The following CNNM1 variants were observed in gnomAD, a reference collection of about 807,000 sequenced individuals.
The protein encoded by CNNM1 is cyclin and CBS domain divalent metal cation transport mediator 1, also known as metal transporter CNNM1.
Under a neutral mutation model 78.8 loss-of-function variants are expected in CNNM1, and 44 were observed. The ratio of observed to expected loss-of-function variants is 0.56; its 90% CI spans 0.44 to 0.72. CNNM1 has a LOEUF of 0.72. Ranked by LOEUF, CNNM1 falls within the 30% of genes least tolerant of loss-of-function variation. The pLI is 0.00. For missense variants in CNNM1, 1,101 were observed against 1,292.2 expected (o/e 0.85, Z 2.27); for synonymous variants, 584 against 581.5 (o/e 1.00, Z -0.06).
intron 3 of CNNM1, 87 bp downstream of exon 3, chr10:99,361,062 T>C: frequency 1.7e-5 from 23 of 1,364,014 alleles, no homozygotes; most frequent in Non-Finnish European, 2.3e-5. Context: ...CCTTCCAGCC[T>C]GATTCCAGTG....
At chr10:99,390,914 G>A (rs1482939307) in intron 10 of CNNM1, among the ~76,000 whole-genome samples, 1 of 152,204 alleles carries the variant, frequency 6.6e-6, no homozygotes, top group African/African-American at 2.4e-5. Flanking sequence ...AAACAGACCT[G>A]GGAACAGATT....
In CNNM1 at chr10:99,392,240, A is replaced by G. The variant is rs1045381278; in HGVS notation, c.*724A>G. ...AGGGACACATCTGTTTTGGCTCCCA[A>G]TCAGCAGTCTTCAATCGATCAATAA... On this transcript the variant is annotated 3_prime_UTR_variant, in exon 11 of 11. Coordinates refer to ENST00000356713, the MANE Select transcript of CNNM1 (RefSeq NM_020348.3). 2 of 152,328 alleles carry G rather than the reference A, an allele frequency of 1.3e-5. No individual in the cohort carries two copies. The highest frequency in any genetic ancestry group is 2.9e-5 in the Non-Finnish European group (2 of 68,080). The allele number at this position is 152,328 out of a possible 1,614,324, so 9.4% of individuals were successfully genotyped here.
At chr10:99,387,745 C>A (rs190320889) in intron 7 of CNNM1, 75 bp from the exon 8 acceptor site, 1 of 1,448,568 alleles carries the variant, frequency 6.9e-7, no homozygotes, top group Non-Finnish European at 9.2e-7. Flanking sequence ...AGGCTGCCCC[C>A]GAGCCTGGGA....
intron 7 of CNNM1, among the ~76,000 whole-genome samples, chr10:99,378,801 A>G (rs148397725): frequency 8.5e-5 from 13 of 152,270 alleles, no homozygotes; most frequent in East Asian, 5.8e-4. Flanking sequence ...CCAAGCTTCA[A>G]AGTTGGGTCT....
intron 6 of CNNM1, among the ~76,000 whole-genome samples, chr10:99,372,932 A>G (rs2134064128): frequency 6.6e-6 from 1 of 152,310 alleles, no homozygotes; most frequent in Admixed American, 6.5e-5. Flanking sequence ...GATTTTATAA[A>G]TAAACTTTCA....
chr10:99,350,969 A>C (rs1015635392), intron 1 of CNNM1, among the ~76,000 whole-genome samples: 3 of 152,162 alleles, frequency 2.0e-5, no homozygotes, highest in African/African-American at 7.2e-5. Context: ...TGACAACCAG[A>C]TTGTCTCCAT....
chr10:99,362,297 G>A lies in CNNM1; in HGVS notation c.1929G>A (p.Val643=). Residue 643 remains valine, a synonymous_variant, in exon 4 of 11, where the codon GTG becomes GTA. Coordinates refer to ENST00000356713, the MANE Select transcript of CNNM1 (RefSeq NM_020348.3). ...TCCGGCTCCTGAAACATCCCAACGTGATCCAGGAGCTGAAGTTTGATGAGA... is the reference window on the plus strand; with the variant it reads ...TCCGGCTCCTGAAACATCCCAACGTAATCCAGGAGCTGAAGTTTGATGAGA... The part of the protein sequence containing the change: ...ILLRLLKHPN[V]IQELKFDEKN... 6.2e-7 allele frequency: 1 copy of A among 1,614,002 alleles called. No homozygotes were observed.
At position 99,387,895 on chromosome 10, in the gene CNNM1, G is replaced by A; in HGVS notation, c.2416G>A (p.Ala806Thr). The change falls in exon 8 of 11, where the codon GCC becomes ACC. Residue 806 changes from alanine (A) to threonine (T), a missense_variant. By Grantham distance (58) the Ala-to-Thr change is moderately conservative. Around this residue, in one of 3 missense-constraint regions of CNNM1, gnomAD observed 348 missense variants for 384.5 expected, o/e 0.90. Transcript: ENST00000356713. ...CTCACCTCAGTCCCCTGACATGGAG[G>A]CCTTCACAGACGGGGACTCCACTAA... ...DSSPQSPDME[A>T]FTDGDSTKAP... 6.2e-7 allele frequency: 1 copy of A among 1,613,762 alleles called. No homozygotes were observed. The highest frequency in any genetic ancestry group is 8.5e-7 in the Non-Finnish European group (1 of 1,179,808).
intron 6 of CNNM1, among the ~76,000 whole-genome samples, chr10:99,372,236 C>T (rs539080276): frequency 6.6e-6 from 1 of 152,306 alleles, no homozygotes; most frequent in South Asian, 2.1e-4. Context: ...CAATTTTACC[C>T]TAGTGCCTTC....
chr10:99,341,092 T>C (rs1280204794), intron 1 of CNNM1, among the ~76,000 whole-genome samples: 1 of 152,094 alleles, frequency 6.6e-6, no homozygotes, highest in Non-Finnish European at 1.5e-5. Context: ...GAACATATAA[T>C]AGATAGACTT....
rs1564935051 is a variant in CNNM1 at position 99,330,664 on chromosome 10, C to T, written c.1277C>T (p.Thr426Ile). 3.1e-6 allele frequency: 5 copies of T among 1,613,950 alleles called. No homozygotes were observed. Among genetic ancestry groups the T allele is most frequent in the Non-Finnish European group, 4.2e-6 (5 of 1,179,874 alleles). Reference sequence around the variant, plus strand: ...ATACAGGGTGCCCTGGAGCTGCGCACCAAAGTTGTGGAGGAGGTGCTGACC... The same window carrying T: ...ATACAGGGTGCCCTGGAGCTGCGCATCAAAGTTGTGGAGGAGGTGCTGACC... The part of the protein sequence containing the change: ...NIIQGALELR[T>I]KVVEEVLTPL... Residue 426 changes from threonine (T) to isoleucine (I), a missense_variant, in exon 1 of 11, where the codon ACC becomes ATC. Physicochemically the swap from Thr to Ile is moderately conservative, Grantham distance 89. Transcript: ENST00000356713.
Position 99,387,968 on chromosome 10 carries a change from C to T in CNNM1, c.2489C>T (p.Ala830Val). 1 of 1,599,064 alleles carries T rather than the reference C, an allele frequency of 6.3e-7. No homozygotes were observed. Among genetic ancestry groups the T allele is most frequent in the African/African-American group, 1.3e-5 (1 of 74,696 alleles). Reference sequence around the variant, plus strand: ...CCCCAGACCCCTAAGGATGACCCCGCCATCACGCTCCTCAACAACAGGAAC... The same window carrying T: ...CCCCAGACCCCTAAGGATGACCCCGTCATCACGCTCCTCAACAACAGGAAC... ...GTPQTPKDDP[A>V]ITLLNNRNSL... The change falls in exon 8 of 11, where the codon GCC (alanine) becomes GTC (valine). Residue 830 changes from alanine to valine, a missense_variant. Coordinates refer to ENST00000356713, the MANE Select transcript of CNNM1 (RefSeq NM_020348.3).
intron 1 of CNNM1, among the ~76,000 whole-genome samples, chr10:99,351,742 GT>G (rs1482020913): frequency 6.6e-6 from 1 of 152,072 alleles, no homozygotes; most frequent in East Asian, 1.9e-4. Flanking sequence ...GTGGCAGACC[GT>G]TTTTACTCTC....
intron 1 of CNNM1, among the ~76,000 whole-genome samples, chr10:99,345,932 C>T (rs938621659): frequency 3.9e-5 from 6 of 152,034 alleles, no homozygotes; most frequent in Admixed American, 3.3e-4. Context: ...TGGCCTCAAG[C>T]GATCCTCCCG....
chr10:99,359,667 G>T (rs911004666), intron 2 of CNNM1, among the ~76,000 whole-genome samples: 3 of 152,100 alleles, frequency 2.0e-5, no homozygotes, highest in Admixed American at 2.0e-4. Flanking sequence ...AGGAGAGGGG[G>T]CACACCAGGG....
At chr10:99,356,562 C>CAGAAAGAAAGAAAGAAAAGAAA (rs1554940019) in intron 1 of CNNM1, among the ~76,000 whole-genome samples, 1,831 of 98,456 alleles carry the variant, frequency 0.019, 62 homozygotes, top group Non-Finnish European at 0.025. Context: ...GACAGACAGA[C>CAGAAAGAAAGAAAGAAAAGAAA]AGAAAGAAAG....
rs1283003347 is a variant in CNNM1, at chr10:99,329,639, C to A, written c.252C>A (p.Ala84=). ...VYFQPGPPAT[A]APVPSPTLNS... ...TCCAGCCAGGACCGCCGGCCACCGC[C>A]GCACCGGTGCCCTCACCGACCCTCA... Residue 84 remains alanine, a synonymous_variant, in exon 1 of 11, where the codon GCC becomes GCA. Coordinates refer to ENST00000356713, the MANE Select transcript of CNNM1 (RefSeq NM_020348.3). 3.3e-6 allele frequency: 5 copies of A among 1,520,264 alleles called. No individual in the cohort carries two copies. In the African/African-American group the frequency reaches 7.2e-5, roughly 22 times the overall value. The allele number at this position is 1,520,264 out of a possible 1,614,324, so 94.2% of individuals were successfully genotyped here. A position where few individuals can be genotyped will look rare whatever the true frequency, so the allele number is the denominator to read the frequency against.
At chr10:99,345,672 C>A (rs922928807) in intron 1 of CNNM1, among the ~76,000 whole-genome samples, 1 of 152,158 alleles carries the variant, frequency 6.6e-6, no homozygotes, top group Non-Finnish European at 1.5e-5. Flanking sequence ...GTCAAACTGA[C>A]CACCCAGGCA....
chr10:99,386,253 C>T lies in CNNM1; in HGVS notation c.2341-1567C>T, dbSNP rs2032301492. On this transcript the variant is annotated intron_variant, in intron 7 of 10. Transcript: ENST00000356713. ...GAGTAGTACCTGTAACTAATTTTAA[C>T]TAGGTCTTAAGTCAGCAGTTCTCAA... is the stretch of plus-strand genomic sequence containing the variant. 2.6e-5 allele frequency among the ~76,000 whole-genome samples: 4 copies of T among 152,216 alleles called. No homozygotes were observed. In the South Asian group the frequency reaches 8.3e-4, roughly 31 times the overall value.
Sources: allele counts gnomAD v4.1 joint callset (sites outside exome capture counted in the v4.1 genomes callset), GRCh38; gene constraint gnomAD v4.1.1; regional missense constraint gnomAD v4.1.1; transcripts MANE v1.5; gene names NCBI Gene and HGNC (gene_info 2026-07-23, HGNC 2026-07-21).